The following KCNH5 variants were observed in gnomAD, a reference collection of about 807,000 sequenced individuals.
KCNH5 encodes the protein potassium voltage-gated channel subfamily H member 5.
KCNH5 carries 46 observed loss-of-function variants against 96.1 expected under a neutral mutation model. The ratio of observed to expected loss-of-function variants is 0.48; its 90% confidence interval spans 0.38 to 0.61. KCNH5 has a LOEUF of 0.61. Ranked by LOEUF, KCNH5 falls within the 20% of genes least tolerant of loss-of-function variation. KCNH5 has a pLI of 0.00. For missense variants in KCNH5, 907 were observed against 1,225.8 expected (o/e 0.74, Z 3.88); for synonymous variants, 439 against 449.8 (o/e 0.98, Z 0.30).
At chr14:62,940,486 T>C (rs1304737880) in intron 7 of KCNH5, among the ~76,000 whole-genome samples, 1 of 152,132 alleles carries the variant, frequency 6.6e-6, no homozygotes, top group Non-Finnish European at 1.5e-5. Context: ...AGAATCAAAT[T>C]TTTCTTATTT....
chr14:62,928,346 T>C (rs1889514958), intron 7 of KCNH5, among the ~76,000 whole-genome samples: 1 of 152,106 alleles, frequency 6.6e-6, no homozygotes, highest in South Asian at 2.1e-4. Flanking sequence ...CTCATTCAGT[T>C]AGGTAGATTC....
At position 63,045,407 on chromosome 14, in the gene KCNH5, G is replaced by C; in HGVS notation, c.-221C>G. ...CAGTTCATGGTAGTAGCGCTCCCCC[G>C]GCCGCCGCTGCCCAGACTGTGGCGG... On this transcript the variant is annotated 5_prime_UTR_variant, in exon 1 of 11. Coordinates refer to ENST00000322893, the MANE Select transcript of KCNH5 (RefSeq NM_139318.5). The C allele has an allele frequency of 5.3e-6, 3 of 569,518 alleles. No individual in the cohort carries two copies. Among genetic ancestry groups the C allele is most frequent in the Non-Finnish European group, 9.5e-6 (3 of 316,544 alleles). The allele number at this position is 569,518 out of a possible 1,614,324, so 35.3% of individuals were successfully genotyped here.
intron 10 of KCNH5, among the ~76,000 whole-genome samples, chr14:62,764,994 T>C (rs190595485): frequency 9.5e-4 from 145 of 152,312 alleles, no homozygotes; most frequent in Non-Finnish European, 1.8e-3. Context: ...CTTCCAATGA[T>C]ATTTTTCACA....
intron 10 of KCNH5, among the ~76,000 whole-genome samples, chr14:62,759,513 C>T (rs1181077015): frequency 7.8e-6 from 1 of 128,120 alleles, no homozygotes; most frequent in Non-Finnish European, 1.8e-5. Context: ...GCTGAAAATT[C>T]AAATCCTTTA....
intron 7 of KCNH5, among the ~76,000 whole-genome samples, chr14:62,908,780 G>GTTTTTTTTTT (rs1451340124): frequency 5.0e-5 from 1 of 19,802 alleles, no homozygotes; most frequent in Non-Finnish European, 9.5e-5. Context: ...ATTTTGCTTT[G>GTTTTTTTTTT]TATTTTTTTT....
In KCNH5 at chr14:62,950,410, G is replaced by C; in HGVS notation, c.1092C>G (p.Ala364=). The change falls in exon 7 of 11, where the codon GCC becomes GCG. Residue 364 remains alanine, a synonymous_variant. Transcript: ENST00000322893. ...CVFGLVAHWL[A]CIWYSIGDYE... ...AGTCTCCGATGCTATACCATATGCA[G>C]GCCAGCCAGTGGGCCACCAGTCCAA... is the stretch of plus-strand genomic sequence containing the variant. The C allele has an allele frequency of 1.2e-6, 2 of 1,613,942 alleles. No individual in the cohort carries two copies. The highest frequency in any genetic ancestry group is 1.7e-6 in the Non-Finnish European group (2 of 1,179,970).
At position 62,950,474 on chromosome 14, in the gene KCNH5, T is replaced by C; in HGVS notation, c.1028A>G (p.Glu343Gly). ...RVARKLDHYL[E>G]YGAAVLVLLV... ...GAGCACGAGGACTGCTGCTCCATAT[T>C]CTAGGTAATGGTCCAGTTTCCTAGC... Residue 343 changes from glutamate to glycine, a missense_variant, in exon 7 of 11, where the codon GAA (glutamate) becomes GGA (glycine). This residue lies in a region of KCNH5 where 370 missense variants were observed against 561.3 expected (regional missense o/e 0.66). Coordinates refer to ENST00000322893, the MANE Select transcript of KCNH5 (RefSeq NM_139318.5). 6.2e-7 allele frequency: 1 copy of C among 1,613,228 alleles called. No individual in the cohort carries two copies. The highest frequency in any genetic ancestry group is 1.1e-5 in the South Asian group (1 of 91,062).
rs576269926 is a variant in KCNH5 at position 62,859,556 on chromosome 14, C to A, written c.1370-9704G>T. Among the ~76,000 whole-genome samples, 14 of 152,330 alleles carry A rather than the reference C, an allele frequency of 9.2e-5. 1 individual carries two copies. The South Asian group carries it at 2.9e-3, about 32-fold the overall frequency. ...AAAAGTCCATCCACATACCTCTTCC[C>A]CAAATTTCTTTGTCACCAATTTTCC... On this transcript the variant is annotated intron_variant, in intron 7 of 10. Coordinates refer to ENST00000322893, the MANE Select transcript of KCNH5 (RefSeq NM_139318.5).
intron 8 of KCNH5, among the ~76,000 whole-genome samples, chr14:62,826,624 T>A (rs1382337779): frequency 2.0e-5 from 3 of 152,042 alleles, no homozygotes; most frequent in Admixed American, 2.0e-4. Context: ...AAGATGTATA[T>A]TGTAATGTAT....
chr14:62,911,643 G>C (rs1889157048), intron 7 of KCNH5, among the ~76,000 whole-genome samples: 1 of 151,270 alleles, frequency 6.6e-6, no homozygotes, highest in Non-Finnish European at 1.5e-5. Flanking sequence ...TTAGAGAAGT[G>C]GGTCAATATT....
At chr14:62,791,712 A>G (rs1384835054) in intron 9 of KCNH5, among the ~76,000 whole-genome samples, 2 of 151,744 alleles carry the variant, frequency 1.3e-5, no homozygotes, top group African/African-American at 2.4e-5. Context: ...GCATCAATTT[A>G]TCAAGTATAT....
At chr14:62,832,862 T>C (rs926050478) in intron 8 of KCNH5, among the ~76,000 whole-genome samples, 2 of 152,190 alleles carry the variant, frequency 1.3e-5, no homozygotes, top group African/African-American at 4.8e-5. Context: ...TGATTAGTGA[T>C]GTTGGGCACC....
chr14:62,925,218 T>C (rs751198216), intron 7 of KCNH5, among the ~76,000 whole-genome samples: 3 of 151,980 alleles, frequency 2.0e-5, no homozygotes, highest in Non-Finnish European at 4.4e-5. Flanking sequence ...AGGGAGAGAA[T>C]ACAATATAAA....
At chr14:62,939,968 C>A (rs1050764459) in intron 7 of KCNH5, among the ~76,000 whole-genome samples, 1 of 152,054 alleles carries the variant, frequency 6.6e-6, no homozygotes, top group African/African-American at 2.4e-5. Context: ...AGGAAGCTTA[C>A]GTACAATCTA....
At chr14:62,749,433 C>T (rs1178694509) in intron 10 of KCNH5, among the ~76,000 whole-genome samples, 1 of 152,178 alleles carries the variant, frequency 6.6e-6, no homozygotes, top group Non-Finnish European at 1.5e-5. Context: ...GATAGGGTCA[C>T]CTCCATTTTG....
chr14:62,740,866 G>A (rs1885257890), intron 10 of KCNH5, among the ~76,000 whole-genome samples: 1 of 152,076 alleles, frequency 6.6e-6, no homozygotes, highest in African/African-American at 2.4e-5. Flanking sequence ...TTAGCTTCGA[G>A]CAGCAATTTA....
At chr14:62,750,012 G>C (rs1885461901) in intron 10 of KCNH5, among the ~76,000 whole-genome samples, 1 of 152,148 alleles carries the variant, frequency 6.6e-6, no homozygotes, top group African/African-American at 2.4e-5. Flanking sequence ...GGTAGGAAAA[G>C]CCTTGATCCA....
intron 8 of KCNH5, among the ~76,000 whole-genome samples, chr14:62,803,594 C>T (rs1362660404): frequency 2.6e-5 from 4 of 152,094 alleles, no homozygotes; most frequent in Admixed American, 6.6e-5. Flanking sequence ...GCAGAATTCA[C>T]GCTGTAGGCA....
In KCNH5 at chr14:62,710,683, C is replaced by T. The variant is rs143202071; in HGVS notation, c.2020-2228G>A. 8.1e-3 allele frequency among the ~76,000 whole-genome samples: 1,225 copies of T among 151,906 alleles called. 20 individuals are homozygous for T. The highest frequency in any genetic ancestry group is 0.027 in the African/African-American group (1,105 of 41,388). The stretch of plus-strand genomic sequence containing the variant: ...GCCTAGGATAGACATAGTGTTGGCT[C>T]GATGTGGTAACTGAGAGCAGCCTTC... On this transcript the variant is annotated intron_variant, in intron 10 of 10. Coordinates refer to ENST00000322893, the MANE Select transcript of KCNH5 (RefSeq NM_139318.5).
Sources: gnomAD v4.1 joint callset for allele counts (sites outside exome capture counted in the v4.1 genomes callset) on GRCh38, gnomAD v4.1.1 for gene constraint, gnomAD v4.1.1 regional missense constraint, MANE v1.5 for transcripts, NCBI Gene and HGNC (gene_info 2026-07-23, HGNC 2026-07-21) for gene names.